Variants in EYS observed in about 807,000 individuals in gnomAD.
EYS encodes the protein EGF-like photoreceptor maintenance factor.
In EYS, 250 loss-of-function variants were observed where a neutral mutation model predicts 282.1. That is an observed-to-expected ratio of 0.89 (90% CI 0.80 to 0.98). The LOEUF (loss-of-function observed/expected upper bound fraction) is 0.98. Among genes scored for constraint, EYS ranks in the 50% least tolerant of loss-of-function variants. The pLI, the probability that EYS is intolerant of heterozygous loss-of-function variation, is 0.00. For missense variants in EYS, 4,016 were observed against 3,709.0 expected, an observed-to-expected ratio of 1.08 and a Z score of -2.15; for synonymous variants, 1,355 against 1,282.9, an observed-to-expected ratio of 1.06 and a Z score of -1.20.
At chr6:64,651,032 T>C (rs572666980) in intron 22 of EYS, among the ~76,000 whole-genome samples, 1 of 152,254 alleles carries the variant, frequency 6.6e-6, no homozygotes, top group Non-Finnish European at 1.5e-5. Flanking sequence ...TGAAATATTA[T>C]ATTGTTATCA....
intron 12 of EYS, among the ~76,000 whole-genome samples, chr6:65,114,660 G>T (rs185495115): frequency 6.6e-6 from 1 of 151,756 alleles, no homozygotes; most frequent in African/African-American, 2.4e-5. Context: ...TTCTTTCTTT[G>T]TGGTATGCTA....
chr6:64,031,364 G>C (rs1465139485), intron 33 of EYS, among the ~76,000 whole-genome samples: 1 of 152,208 alleles, frequency 6.6e-6, no homozygotes, highest in African/African-American at 2.4e-5. Context: ...GGGCAGGACT[G>C]CGGACATGCA....
At chr6:64,039,080 C>A (rs1188126860) in intron 33 of EYS, among the ~76,000 whole-genome samples, 1 of 152,198 alleles carries the variant, frequency 6.6e-6, no homozygotes, top group African/African-American at 2.4e-5. Context: ...GCTGGGATTA[C>A]AGGTGTGAGT....
intron 19 of EYS, among the ~76,000 whole-genome samples, chr6:64,882,220 G>A (rs182937992): frequency 1.5e-3 from 229 of 151,720 alleles, no homozygotes; most frequent in Admixed American, 2.8e-3. Flanking sequence ...AAAGAGTGAC[G>A]GATCTCTGAA....
chr6:63,962,839 G>A (rs1241778994), intron 35 of EYS, among the ~76,000 whole-genome samples: 1 of 152,126 alleles, frequency 6.6e-6, no homozygotes, highest in Non-Finnish European at 1.5e-5. Flanking sequence ...ATTCACGATA[G>A]CAAAGACTTG....
chr6:64,945,764 A>G (rs770211011), intron 15 of EYS, 29 bp downstream of exon 15: 15 of 1,544,628 alleles, frequency 9.7e-6, no homozygotes, highest in Non-Finnish European at 8.8e-7. Flanking sequence ...AAGTAATTTC[A>G]TGAAGAAAGC....
intron 16 of EYS, among the ~76,000 whole-genome samples, chr6:64,907,644 G>A (rs1767872664): frequency 6.6e-6 from 1 of 152,244 alleles, no homozygotes; most frequent in Admixed American, 6.5e-5. Flanking sequence ...CACATGAAGA[G>A]AACATGGTAG....
intron 22 of EYS, among the ~76,000 whole-genome samples, chr6:64,676,026 A>T (rs1030409958): frequency 6.7e-6 from 1 of 149,342 alleles, no homozygotes; most frequent in Non-Finnish European, 1.5e-5. Flanking sequence ...ATATCGATAG[A>T]TATATATAGA....
intron 9 of EYS, among the ~76,000 whole-genome samples, chr6:65,352,447 A>G (rs1764320266): frequency 6.6e-6 from 1 of 151,962 alleles, no homozygotes; most frequent in Non-Finnish European, 1.5e-5. Flanking sequence ...AAATAATATT[A>G]GAAATGTAAT....
intron 22 of EYS, among the ~76,000 whole-genome samples, chr6:64,632,381 G>A (rs1012668206): frequency 1.8e-4 from 27 of 151,692 alleles, no homozygotes; most frequent in Admixed American, 1.6e-3. Flanking sequence ...TGAATAGGAA[G>A]CCTCCAGTTA....
chr6:63,803,523 T>C (rs1032241802), intron 37 of EYS, among the ~76,000 whole-genome samples: 6 of 152,122 alleles, frequency 3.9e-5, no homozygotes, highest in African/African-American at 1.2e-4. Flanking sequence ...AGGCTGTCCA[T>C]GCTCAGACAA....
intron 2 of EYS, among the ~76,000 whole-genome samples, chr6:65,581,964 C>T (rs1480772132): frequency 2.0e-5 from 3 of 151,254 alleles, no homozygotes; most frequent in Non-Finnish European, 2.9e-5. Flanking sequence ...CTGAGGCCAG[C>T]AGATCATGAG....
chr6:65,097,711 A>T (rs916385673), intron 12 of EYS, among the ~76,000 whole-genome samples: 2 of 150,842 alleles, frequency 1.3e-5, no homozygotes, highest in African/African-American at 4.8e-5. Flanking sequence ...AACATGGATA[A>T]ACCTGAAGGA....
At position 63,939,130 on chromosome 6, in the gene EYS, A is replaced by ATTTT. The variant is rs59373055; in HGVS notation, c.7055+45249_7055+45252dup. On this transcript the variant is annotated intron_variant, in intron 35 of 42. Transcript: ENST00000503581. ...CCCAGACAAGCTTCTTTGTGAGGGG[A>ATTTT]TTTTTTTTTTTTTTTAACAAATATG... Among the ~76,000 whole-genome samples, 108 of 143,578 alleles carry ATTTT rather than the reference A, an allele frequency of 7.5e-4. 1 individual carries two copies. Among genetic ancestry groups the ATTTT allele is most frequent in the African/African-American group, 2.7e-3 (106 of 39,592 alleles). The allele number at this position is 143,578 out of a possible 152,430, so 94.2% of individuals were successfully genotyped here.
chr6:65,365,662 T>C (rs760073546), intron 8 of EYS, among the ~76,000 whole-genome samples: 1 of 151,702 alleles, frequency 6.6e-6, no homozygotes, highest in South Asian at 2.1e-4. Flanking sequence ...ATGTTTTTGA[T>C]ATTCTTTCAA....
chr6:64,092,515 T>C (rs552553460), intron 31 of EYS, among the ~76,000 whole-genome samples: 70 of 152,268 alleles, frequency 4.6e-4, no homozygotes, highest in African/African-American at 1.6e-3. Context: ...ATGATGAGCA[T>C]TTTTTCATGT....
chr6:64,080,866 T>C lies in EYS; in HGVS notation c.6571+990A>G, dbSNP rs562950679. ...AGATTTGTCAAATATCAGATAGTTG[T>C]AGATATGCGGCATTATTTCTGAGGG... is the stretch of plus-strand genomic sequence containing the variant. On this transcript the variant is annotated intron_variant, in intron 32 of 42. Coordinates refer to ENST00000503581, the MANE Select transcript of EYS (RefSeq NM_001142800.2). 2.0e-5 allele frequency among the ~76,000 whole-genome samples: 3 copies of C among 152,258 alleles called. No homozygotes were observed. The South Asian group carries it at 6.2e-4, about 32-fold the overall frequency.
chr6:65,458,422 G>A (rs1764708682), intron 5 of EYS, among the ~76,000 whole-genome samples: 2 of 151,956 alleles, frequency 1.3e-5, no homozygotes, highest in Non-Finnish European at 2.9e-5. Context: ...CTTGTTCCCA[G>A]CCTAACCTCA....
At chr6:64,513,246 T>G (rs932835184) in intron 26 of EYS, among the ~76,000 whole-genome samples, 6 of 151,928 alleles carry the variant, frequency 3.9e-5, no homozygotes, top group Admixed American at 3.9e-4. Flanking sequence ...ATGGATTAGC[T>G]ATATTTGAGA....
Sources: gnomAD v4.1 joint callset for allele counts (sites outside exome capture counted in the v4.1 genomes callset) on GRCh38, gnomAD v4.1.1 for gene constraint, MANE v1.5 for transcripts, NCBI Gene and HGNC (gene_info 2026-07-23, HGNC 2026-07-21) for gene names.